The following SV2C variants were observed in gnomAD, a reference collection of about 807,000 sequenced individuals.
SV2C encodes the protein solute carrier family 22 member B3.
Under a neutral mutation model 79.7 loss-of-function variants are expected in SV2C, and 49 were observed. The observed-to-expected ratio is 0.61, with a 90% confidence interval of 0.49 to 0.78. The LOEUF is 0.78. SV2C is among the 30% of genes least tolerant of loss of function. The pLI is 0.00. For synonymous variants in SV2C, 334 were observed against 333.2 expected (o/e 1.00, Z -0.03); for missense variants, 833 against 912.9 (o/e 0.91, Z 1.13).
At chr5:75,894,644 T>G in the SV2C span, among the ~76,000 whole-genome samples, 13 of 152,254 alleles carry the variant, frequency 8.5e-5, no homozygotes, top group African/African-American at 2.6e-4. Flanking sequence ...CCGGGAGGAT[T>G]TGTCAAAAAC....
the SV2C span, among the ~76,000 whole-genome samples, chr5:75,894,272 G>A: frequency 3.2e-3 from 492 of 152,100 alleles, 5 homozygotes; most frequent in African/African-American, 0.011. Context: ...TGGCATACTT[G>A]TCAGGATCAG....
At chr5:76,247,952 A>G (rs1290576867) in intron 4 of SV2C, among the ~76,000 whole-genome samples, 1 of 152,220 alleles carries the variant, frequency 6.6e-6, no homozygotes, top group African/African-American at 2.4e-5. Context: ...GACAGTGATT[A>G]TTAGGTGACT....
intron 12 of SV2C, among the ~76,000 whole-genome samples, chr5:76,306,631 C>T (rs565835742): frequency 6.6e-6 from 1 of 152,244 alleles, no homozygotes; most frequent in African/African-American, 2.4e-5. Flanking sequence ...TAAAAGAATT[C>T]TCTGGGTAAA....
At position 76,319,275 on chromosome 5, in the gene SV2C, C is replaced by T. The variant is rs570276028; in HGVS notation, c.2001-6089C>T. On this transcript the variant is annotated intron_variant, in intron 12 of 12. Coordinates refer to ENST00000502798, the MANE Select transcript of SV2C (RefSeq NM_014979.4). ...AAAAAAAAAAACACAAAAAATTGCC[C>T]GTGTGCGGCAGTGCAAGCTTTTAGT... Among the ~76,000 whole-genome samples the T allele has an allele frequency of 3.3e-5, 5 of 151,766 alleles. No individual in the cohort carries two copies. In the South Asian group the frequency reaches 6.3e-4, roughly 19 times the overall value.
intron 2 of SV2C, among the ~76,000 whole-genome samples, chr5:76,156,693 T>C (rs1468082463): frequency 4.6e-5 from 7 of 152,186 alleles, no homozygotes; most frequent in Admixed American, 4.6e-4. Flanking sequence ...CAATGTCATA[T>C]CACACAGAGA....
At chr5:76,105,751 T>A (rs1747889450) in intron 1 of SV2C, among the ~76,000 whole-genome samples, 1 of 152,182 alleles carries the variant, frequency 6.6e-6, no homozygotes, top group African/African-American at 2.4e-5. Flanking sequence ...TCCCTGATAG[T>A]CTTTCACCAT....
the SV2C span, among the ~76,000 whole-genome samples, chr5:75,848,064 T>C: frequency 6.6e-6 from 1 of 152,206 alleles, no homozygotes; most frequent in Non-Finnish European, 1.5e-5. Flanking sequence ...ATCCAGTTTT[T>C]CCTAGGGATC....
intron 3 of SV2C, among the ~76,000 whole-genome samples, chr5:76,207,228 G>C (rs1346074334): frequency 2.0e-5 from 3 of 151,938 alleles, no homozygotes; most frequent in Non-Finnish European, 2.9e-5. Flanking sequence ...TGGTCCAGAG[G>C]GTCTGGCATA....
chr5:76,212,129 T>C (rs867659959), intron 4 of SV2C, among the ~76,000 whole-genome samples: 7 of 151,940 alleles, frequency 4.6e-5, no homozygotes, highest in Admixed American at 4.6e-4. Flanking sequence ...TCTCAGGACC[T>C]CAGCCACCCT....
At chr5:76,263,255 C>T (rs1431225203) in intron 4 of SV2C, among the ~76,000 whole-genome samples, 1 of 151,438 alleles carries the variant, frequency 6.6e-6, no homozygotes, top group East Asian at 1.9e-4. Flanking sequence ...AATTGCAACC[C>T]CTGCTTTTTT....
rs555228542 is a variant in SV2C, at chr5:76,161,862, T to C, written c.580+29532T>C. Among the ~76,000 whole-genome samples the C allele has an allele frequency of 1.5e-3, 223 of 152,316 alleles. 1 individual carries two copies. The highest frequency in any genetic ancestry group is 5.3e-3 in the African/African-American group (221 of 41,560). ...TGTAAAGTTAGGCCAAGTATATCTG[T>C]ATACATTCCTTGTGAACAGTGCCAT... On this transcript the variant is annotated intron_variant, in intron 2 of 12. Transcript: ENST00000502798.
At chr5:76,044,319 A>G in the SV2C span, among the ~76,000 whole-genome samples, 1 of 152,158 alleles carries the variant, frequency 6.6e-6, no homozygotes, top group South Asian at 2.1e-4. Context: ...ATTGATGTGC[A>G]TTTGGGTTGA....
intron 12 of SV2C, among the ~76,000 whole-genome samples, chr5:76,339,988 C>T (rs73117727): frequency 0.065 from 9,868 of 152,232 alleles, 992 homozygotes; most frequent in African/African-American, 0.21. Flanking sequence ...GCTGATAAAA[C>T]AGGTTGCAGT....
intron 4 of SV2C, among the ~76,000 whole-genome samples, chr5:76,274,842 A>T (rs1451578333): frequency 1.3e-5 from 2 of 152,204 alleles, no homozygotes; most frequent in African/African-American, 4.8e-5. Flanking sequence ...CATGCAGATT[A>T]CATAGTATTT....
chr5:76,145,333 TTTG>T (rs1318038534), intron 2 of SV2C, among the ~76,000 whole-genome samples: 3 of 152,322 alleles, frequency 2.0e-5, no homozygotes, highest in East Asian at 3.9e-4. Flanking sequence ...AGACTAAGAT[TTTG>T]TTGTTGTTCT....
chr5:76,188,851 A>T (rs1255179571), intron 2 of SV2C, among the ~76,000 whole-genome samples: 1 of 151,906 alleles, frequency 6.6e-6, no homozygotes, highest in Admixed American at 6.6e-5. Context: ...CCTTCTATGG[A>T]CTCTGATGGA....
At chr5:76,106,088 A>G (rs1186081526) in intron 1 of SV2C, among the ~76,000 whole-genome samples, 1 of 152,014 alleles carries the variant, frequency 6.6e-6, no homozygotes, top group Admixed American at 6.6e-5. Flanking sequence ...ATATGCCTAA[A>G]AGCTGAACTC....
chr5:75,918,534 A>G, the SV2C span, among the ~76,000 whole-genome samples: 3 of 152,262 alleles, frequency 2.0e-5, no homozygotes, highest in Non-Finnish European at 2.9e-5. Flanking sequence ...ACTCATCACA[A>G]AGATTTCTGG....
At chr5:75,985,447 GA>G in the SV2C span, among the ~76,000 whole-genome samples, 6 of 152,092 alleles carry the variant, frequency 3.9e-5, no homozygotes, top group African/African-American at 1.4e-4. Context: ...TTGACCCATA[GA>G]ATCAACCATC....
Sources: gnomAD v4.1 joint callset for allele counts (sites outside exome capture counted in the v4.1 genomes callset) on GRCh38, gnomAD v4.1.1 for gene constraint, MANE v1.5 for transcripts, NCBI Gene and HGNC (gene_info 2026-07-23, HGNC 2026-07-21) for gene names.